Variants in DNAH3 observed in about 807,000 individuals in gnomAD.
DNAH3 encodes dynein axonemal heavy chain 3.
DNAH3 carries 332 observed loss-of-function variants against 432.5 expected under a neutral mutation model. That is an observed-to-expected ratio of 0.77 (90% confidence interval 0.70 to 0.84). DNAH3 has a LOEUF of 0.84. DNAH3 is among the 40% of genes least tolerant of loss of function. The probability of loss-of-function intolerance (pLI) is 0.00; values close to 1 mark genes in which losing one functional copy is unlikely to be tolerated. For synonymous variants in DNAH3, 1,956 were observed against 1,900.2 expected (o/e 1.03, Z -0.76); for missense variants, 4,861 against 5,114.0 (o/e 0.95, Z 1.51).
At chr16:21,003,266 A>G (rs1224458228) in intron 41 of DNAH3, 59 bp from the exon 42 acceptor site, 1 of 1,167,544 alleles carries the variant, frequency 8.6e-7, no homozygotes, top group Non-Finnish European at 1.2e-6. Context: ...TGCCTCCCAT[A>G]TTTGAGGATT....
exon 54 of DNAH3, chr16:20,959,195 T>G (rs2084701538): frequency 6.2e-7 from 1 of 1,614,058 alleles, no homozygotes. Context: ...CTGGCATTGG[T>G]GCTCTCAGGA....
At chr16:21,118,978 A>T (rs2092273450) in intron 11 of DNAH3, among the ~76,000 whole-genome samples, 1 of 152,134 alleles carries the variant, frequency 6.6e-6, no homozygotes. Flanking sequence ...TATGCCTTTG[A>T]TGGAAATGCA....
chr16:21,021,871 C>G, intron 40 of DNAH3, 100 bp downstream of exon 40: 1 of 1,432,422 alleles, frequency 7.0e-7, no homozygotes, highest in Non-Finnish European at 9.4e-7. Context: ...CCACTGCACT[C>G]TAGCCTTGGT....
intron 31 of DNAH3, 129 bp downstream of exon 31, chr16:21,049,433 CACTGAGT>C (rs1023351230): frequency 1.6e-6 from 1 of 641,960 alleles, no homozygotes. Flanking sequence ...TTGTTTAGTT[CACTGAGT>C]ACCTGCTTTG....
intron 10 of DNAH3, among the ~76,000 whole-genome samples, chr16:21,121,632 C>T (rs117483255): frequency 0.013 from 1,806 of 141,552 alleles, 25 homozygotes; most frequent in Non-Finnish European, 0.018. Flanking sequence ...GATGGAGTCT[C>T]GCTCTGTCGC....
chr16:21,145,919 A>G, intron 2 of DNAH3, 65 bp downstream of exon 3: 1 of 1,014,762 alleles, frequency 9.9e-7, no homozygotes, highest in Non-Finnish European at 1.6e-6. Flanking sequence ...AAATACGGAG[A>G]GAAGTGGGGG....
At chr16:20,933,555 A>G (rs1033461511) in intron 61 of DNAH3, 48 bp from the exon 62 acceptor site, 7 of 1,470,120 alleles carry the variant, frequency 4.8e-6, no homozygotes, top group Non-Finnish European at 6.4e-6. Flanking sequence ...ATTTTCCTAC[A>G]TGGGCAGCTT....
At chr16:21,027,562 G>A (rs188634735) in intron 37 of DNAH3, among the ~76,000 whole-genome samples, 44 of 152,366 alleles carry the variant, frequency 2.9e-4, no homozygotes, top group Admixed American at 7.2e-4. Context: ...CAAAGAGGCT[G>A]AGCATGGTGG....
In DNAH3 at chr16:20,948,417, T is replaced by C. The variant is rs1208924754; in HGVS notation, c.11343+66A>G. On this transcript the variant is annotated intron_variant, in intron 57 of 61. Transcript: ENST00000261383. ...GGGATCCCTGGCTACACTGCAGCCC[T>C]GTAGCCATATAGAGATGACGGAGCC... 3.6e-5 allele frequency: 56 copies of C among 1,541,072 alleles called. 1 individual carries two copies. Among genetic ancestry groups the C allele is most frequent in the Non-Finnish European group, 4.9e-5 (55 of 1,132,486 alleles).
intron 8 of DNAH3, among the ~76,000 whole-genome samples, chr16:21,127,305 C>A (rs1052700647): frequency 6.6e-6 from 1 of 151,482 alleles, no homozygotes; most frequent in Admixed American, 6.6e-5. Context: ...GTAATCCCAG[C>A]ACTTTGGGAG....
At chr16:21,017,705 G>C (rs535616649) in intron 41 of DNAH3, among the ~76,000 whole-genome samples, 1 of 152,244 alleles carries the variant, frequency 6.6e-6, no homozygotes, top group South Asian at 2.1e-4. Flanking sequence ...AATTAACTGA[G>C]ACCTGTCTCA....
exon 41 of DNAH3, chr16:21,019,845 T>A: frequency 6.2e-7 from 1 of 1,614,120 alleles, no homozygotes. Context: ...TTCCATTTCC[T>A]CCTCTTCTAC....
At chr16:21,065,560 T>G (rs1482531003) in intron 24 of DNAH3, among the ~76,000 whole-genome samples, 1 of 152,194 alleles carries the variant, frequency 6.6e-6, no homozygotes, top group Admixed American at 6.5e-5. Flanking sequence ...AAGCCTTATG[T>G]GTCAAAACCA....
intron 59 of DNAH3, among the ~76,000 whole-genome samples, chr16:20,940,202 G>GTCTTAACCC: frequency 6.6e-6 from 1 of 152,284 alleles, no homozygotes; most frequent in South Asian, 2.1e-4. Context: ...CCTTGGGCAA[G>GTCTTAACCC]TCTTAACCCT....
At chr16:20,988,544 AGCT>A (rs1277482926) in intron 44 of DNAH3, among the ~76,000 whole-genome samples, 3 of 152,198 alleles carry the variant, frequency 2.0e-5, no homozygotes, top group Non-Finnish European at 4.4e-5. Context: ...CCTCCAGAGT[AGCT>A]GGGACTACAG....
At chr16:21,099,233 C>CATGGATGG (rs111518786) in intron 16 of DNAH3, among the ~76,000 whole-genome samples, 15,543 of 149,696 alleles carry the variant, frequency 0.1, 991 homozygotes, top group African/African-American at 0.16. Flanking sequence ...AGACAATAGA[C>CATGGATGG]ATGGATGGAT....
chr16:21,030,188 C>T (rs749605904), intron 37 of DNAH3, among the ~76,000 whole-genome samples: 2 of 152,176 alleles, frequency 1.3e-5, no homozygotes, highest in African/African-American at 2.4e-5. Flanking sequence ...TATTTTTCCA[C>T]TTCCTGGTCA....
intron 41 of DNAH3, among the ~76,000 whole-genome samples, chr16:21,006,023 C>T (rs2087286717): frequency 6.6e-6 from 1 of 152,048 alleles, no homozygotes; most frequent in Non-Finnish European, 1.5e-5. Context: ...AGAGAAGTTT[C>T]TGCATCTGTA....
At chr16:21,051,147 TA>T (rs2089939023) in intron 29 of DNAH3, among the ~76,000 whole-genome samples, 1 of 152,202 alleles carries the variant, frequency 6.6e-6, no homozygotes, top group South Asian at 2.1e-4. Flanking sequence ...ACTCTCACTG[TA>T]AGGAAATATA....
Sources: gnomAD v4.1 joint callset for allele counts (sites outside exome capture counted in the v4.1 genomes callset) on GRCh38, gnomAD v4.1.1 for gene constraint, MANE v1.5 for transcripts, NCBI Gene and HGNC (gene_info 2026-07-23, HGNC 2026-07-21) for gene names.